TMTC3: variants seen among roughly 807,000 people sequenced by gnomAD.
TMTC3 encodes the protein transmembrane O-mannosyltransferase targeting cadherins 3, also known as protein O-mannosyl-transferase TMTC3.
TMTC3 carries 52 observed loss-of-function variants against 92.2 expected under a neutral mutation model. The ratio of observed to expected loss-of-function variants is 0.56; its 90% CI spans 0.45 to 0.71. TMTC3 has a LOEUF of 0.71. Ranked by LOEUF, TMTC3 falls within the 30% of genes least tolerant of loss-of-function variation. The pLI is 0.00. For synonymous variants in TMTC3, 339 were observed against 363.3 expected (o/e 0.93, Z 0.76); for missense variants, 896 against 1,057.1 (o/e 0.85, Z 2.11).
At chr12:88,185,503 T>C (rs1431736076) in intron 10 of TMTC3, among the ~76,000 whole-genome samples, 1 of 152,158 alleles carries the variant, frequency 6.6e-6, no homozygotes, top group African/African-American at 2.4e-5. Flanking sequence ...GATGTTTGGA[T>C]TGTTCACAGT....
chr12:88,153,432 T>A lies in TMTC3; in HGVS notation c.331T>A (p.Cys111Ser). 6 of 1,613,758 alleles carry A rather than the reference T, an allele frequency of 3.7e-6. No individual in the cohort carries two copies. The highest frequency in any genetic ancestry group is 5.1e-6 in the Non-Finnish European group (6 of 1,179,800). ...AVVSVIFLKV[C>S]KLFLDNKSSV... Reference sequence around the variant, plus strand: ...GGTTAGTGTGATATTTCTCAAAGTATGCAAACTTTTTCTGGACAACAAGAG... The same window carrying A: ...GGTTAGTGTGATATTTCTCAAAGTAAGCAAACTTTTTCTGGACAACAAGAG... The change falls in exon 3 of 14, where the codon TGC becomes AGC. Residue 111 changes from cysteine (C) to serine (S), a missense_variant. Transcript: ENST00000266712.
Position 88,161,376 on chromosome 12 carries a change from C to G in TMTC3, c.797+525C>G, listed in dbSNP as rs140585979. Among the ~76,000 whole-genome samples the G allele has an allele frequency of 6.7e-3, 1,027 of 152,236 alleles. 17 individuals are homozygous for G. Among genetic ancestry groups the G allele is most frequent in the African/African-American group, 0.024 (988 of 41,560 alleles). On this transcript the variant is annotated intron_variant, in intron 6 of 13. Coordinates refer to ENST00000266712, the MANE Select transcript of TMTC3 (RefSeq NM_181783.4). ...AGAAATTCACTTTTTCTTATCACAG[C>G]TGTCTTTCGTTAGTGTTAGGTGGTG...
At chr12:88,194,765 T>C in intron 13 of TMTC3, 73 bp from the exon 14 acceptor site, 1 of 1,018,366 alleles carries the variant, frequency 9.8e-7, no homozygotes, top group Non-Finnish European at 1.3e-6. Flanking sequence ...ATCTAAGTAT[T>C]TGAAAATGGC....
In TMTC3 at chr12:88,154,543, T is replaced by C. The variant is rs888552464; in HGVS notation, c.508+156T>C. Reference sequence around the variant, plus strand: ...TTAGCATATGTGAAAATATGAAATATGTAACATTGCTAGTATTTAGGAAGT... The same window carrying C: ...TTAGCATATGTGAAAATATGAAATACGTAACATTGCTAGTATTTAGGAAGT... On this transcript the variant is annotated intron_variant, in intron 4 of 13. Transcript: ENST00000266712. Among the ~76,000 whole-genome samples the C allele has an allele frequency of 2.6e-5, 4 of 152,206 alleles. No individual in the cohort carries two copies. In the East Asian group the frequency reaches 5.8e-4, roughly 22 times the overall value.
chr12:88,174,611 T>C lies in TMTC3; in HGVS notation c.1204T>C (p.Phe402Leu). 1 of 1,605,438 alleles carries C rather than the reference T, an allele frequency of 6.2e-7. No homozygotes were observed. The highest frequency in any genetic ancestry group is 1.1e-5 in the South Asian group (1 of 89,146). The change falls in exon 9 of 14, where the codon TTT (phenylalanine) becomes CTT (leucine). Residue 402 changes from phenylalanine (F) to leucine (L), a missense_variant. Transcript: ENST00000266712. ...TGCTTTTTTTCTCTTAAACAGTGTATTTAAAAAGCTATCCTGGATTTGTCT... is the reference window on the plus strand; with the variant it reads ...TGCTTTTTTTCTCTTAAACAGTGTACTTAAAAAGCTATCCTGGATTTGTCT... Reference protein sequence around the residue: ...GWQKISTKSVFKKLSWICLSM... With the variant: ...GWQKISTKSVLKKLSWICLSM...
intron 4 of TMTC3, among the ~76,000 whole-genome samples, chr12:88,155,995 A>T (rs558672764): frequency 7.2e-5 from 11 of 152,074 alleles, no homozygotes; most frequent in African/African-American, 2.2e-4. Context: ...CTGCAGTCCC[A>T]CCTACCCGGA....
rs762866754 is a variant in TMTC3 at position 88,172,594 on chromosome 12, T to C, written c.1051-3T>C. ...TTATTAAATCTTCTTTTTTTTTTTG[T>C]AGGCGCTTTGTTTAATGGCATTACC... On this transcript the variant is annotated splice_polypyrimidine_tract_variant and splice_region_variant and intron_variant, in intron 7 of 13. Transcript: ENST00000266712. The C allele has an allele frequency of 5.0e-5, 68 of 1,356,962 alleles. 1 individual carries two copies. The South Asian group carries it at 5.4e-4, about 11-fold the overall frequency. 84.1% of individuals were successfully genotyped at this position (1,356,962 alleles called of 1,614,324 possible). A position where few individuals can be genotyped will look rare whatever the true frequency, so the allele number is the denominator to read the frequency against.
In TMTC3 at chr12:88,198,599, A is replaced by G. The variant is rs1178569893; in HGVS notation, c.*2950A>G. 7 of 391,756 alleles carry G rather than the reference A, an allele frequency of 1.8e-5. No homozygotes were observed. 24.3% of individuals were successfully genotyped at this position (391,756 alleles called of 1,614,324 possible). A position where few individuals can be genotyped will look rare whatever the true frequency, so the allele number is the denominator to read the frequency against. ...GTAAAATAACGTATTTTGCTTTTCA[A>G]TTTTGTGTTTGTTTACTTTTATGTA... On this transcript the variant is annotated 3_prime_UTR_variant, in exon 14 of 14. Coordinates refer to ENST00000266712, the MANE Select transcript of TMTC3 (RefSeq NM_181783.4).
Position 88,153,410 on chromosome 12 carries a change from T to C in TMTC3, c.309T>C (p.Val103=). ...HLLNMIFHAV[V]SVIFLKVCKL... is the part of the protein sequence containing the mutation. ...TGAATATGATTTTTCATGCTGTGGTTAGTGTGATATTTCTCAAAGTATGCA... is the reference window on the plus strand; with the variant it reads ...TGAATATGATTTTTCATGCTGTGGTCAGTGTGATATTTCTCAAAGTATGCA... Residue 103 remains valine, a synonymous_variant, in exon 3 of 14, where the codon GTT becomes GTC. Coordinates refer to ENST00000266712, the MANE Select transcript of TMTC3 (RefSeq NM_181783.4). 2 of 1,613,524 alleles carry C rather than the reference T, an allele frequency of 1.2e-6. No homozygotes were observed. The highest frequency in any genetic ancestry group is 8.5e-7 in the Non-Finnish European group (1 of 1,179,610).
Position 88,148,335 on chromosome 12 carries a change from A to C in TMTC3, c.20A>C (p.Lys7Thr). ...GAAAAGATGGCTAATATTAACCTAA[A>C]AGAAATAACCTTAATAGTAGGTGTG... is the stretch of plus-strand genomic sequence containing the variant. The part of the protein sequence containing the change: MANINL[K>T]EITLIVGVVT... The change falls in exon 2 of 14, where the codon AAA (lysine) becomes ACA (threonine). Residue 7 changes from lysine (K) to threonine (T), a missense_variant. Physicochemically the swap from Lys to Thr is moderately conservative, Grantham distance 78. Transcript: ENST00000266712. The C allele has an allele frequency of 6.2e-7, 1 of 1,610,030 alleles. No individual in the cohort carries two copies. Among genetic ancestry groups the C allele is most frequent in the East Asian group, 2.2e-5 (1 of 44,798 alleles).
At chr12:88,185,329 A>G (rs2041364458) in intron 10 of TMTC3, among the ~76,000 whole-genome samples, 2 of 150,910 alleles carry the variant, frequency 1.3e-5, no homozygotes, top group Non-Finnish European at 2.9e-5. Context: ...ATTATACTCT[A>G]TGGACTCTCT....
intron 6 of TMTC3, among the ~76,000 whole-genome samples, chr12:88,164,857 AT>A (rs148554326): frequency 1.7e-4 from 25 of 151,066 alleles, no homozygotes; most frequent in East Asian, 1.9e-4. Context: ...CCTCCCTAGC[AT>A]TTTTTTTTCT....
intron 10 of TMTC3, among the ~76,000 whole-genome samples, chr12:88,182,781 G>A (rs909240305): frequency 6.6e-6 from 1 of 152,192 alleles, no homozygotes; most frequent in Non-Finnish European, 1.5e-5. Context: ...TGGTAGGACT[G>A]TTCAGCATCC....
At chr12:88,165,810 G>A (rs1592733245) in intron 6 of TMTC3, among the ~76,000 whole-genome samples, 1 of 152,004 alleles carries the variant, frequency 6.6e-6, no homozygotes, top group Non-Finnish European at 1.5e-5. Context: ...AAAGAGGGAA[G>A]GAAGCTAGGT....
In TMTC3 at chr12:88,196,258, T is replaced by G. The variant is rs2041510910; in HGVS notation, c.*609T>G. The stretch of plus-strand genomic sequence containing the variant: ...TCATAATTGTATACTTGTTTTTAAC[T>G]TTAAATGTAATTTTTAATCAGGTAA... On this transcript the variant is annotated 3_prime_UTR_variant, in exon 14 of 14. Transcript: ENST00000266712. 6.6e-6 allele frequency: 1 copy of G among 152,510 alleles called. No homozygotes were observed. Among genetic ancestry groups the G allele is most frequent in the East Asian group, 1.9e-4 (1 of 5,202 alleles). The allele number at this position is 152,510 out of a possible 1,614,324, so 9.4% of individuals were successfully genotyped here.
intron 10 of TMTC3, among the ~76,000 whole-genome samples, chr12:88,183,289 C>A (rs1592746183): frequency 6.6e-6 from 1 of 152,198 alleles, no homozygotes; most frequent in African/African-American, 2.4e-5. Flanking sequence ...AGTTAACCCT[C>A]TCATAAATGG....
At chr12:88,154,238 T>G (rs954140855) in intron 3 of TMTC3, 50 bp from the exon 4 acceptor site, 4 of 1,286,682 alleles carry the variant, frequency 3.1e-6, no homozygotes, top group Middle Eastern at 1.9e-4. Context: ...TATAGTAATT[T>G]TTCAAGATAT....
At chr12:88,183,639 A>G (rs1277041888) in intron 10 of TMTC3, among the ~76,000 whole-genome samples, 2 of 152,124 alleles carry the variant, frequency 1.3e-5, no homozygotes, top group African/African-American at 4.8e-5. Context: ...GGACCAAAGC[A>G]GCCCTAACTA....
At chr12:88,189,023 C>G in intron 11 of TMTC3, 77 bp downstream of exon 11, 2 of 773,512 alleles carry the variant, frequency 2.6e-6, no homozygotes, top group South Asian at 3.5e-5. Flanking sequence ...GAAGGAAAAT[C>G]TTTATCTTTT....
Sources: gnomAD v4.1 joint callset for allele counts (sites outside exome capture counted in the v4.1 genomes callset) on GRCh38, gnomAD v4.1.1 for gene constraint, MANE v1.5 for transcripts, NCBI Gene and HGNC (gene_info 2026-07-23, HGNC 2026-07-21) for gene names.